The following FSTL4 variants were observed in gnomAD, a reference collection of about 807,000 sequenced individuals.
FSTL4 encodes follistatin like 4, also known as follistatin-related protein 4.
FSTL4 carries 28 observed loss-of-function variants against 78.2 expected under a neutral mutation model. That is an observed-to-expected ratio of 0.36 (90% CI 0.27 to 0.49). FSTL4 has a LOEUF of 0.49. FSTL4 is among the 20% of genes least tolerant of loss of function. FSTL4 has a pLI of 0.98. For synonymous variants in FSTL4, 422 were observed against 440.5 expected, an observed-to-expected ratio of 0.96 and a Z score of 0.53; for missense variants, 922 against 1,084.9, an observed-to-expected ratio of 0.85 and a Z score of 2.11.
At chr5:133,715,548 T>C in the FSTL4 span, among the ~76,000 whole-genome samples, 1 of 152,212 alleles carries the variant, frequency 6.6e-6, no homozygotes, top group African/African-American at 2.4e-5. Context: ...CTTTTGTTCA[T>C]TATGCTTCAG....
In FSTL4 at chr5:133,485,921, G is replaced by A. The variant is rs144073724; in HGVS notation, c.160+81265C>T. Among the ~76,000 whole-genome samples the A allele has an allele frequency of 9.3e-4, 141 of 152,320 alleles. No individual in the cohort carries two copies. In the East Asian group the frequency reaches 0.02, roughly 21 times the overall value. ...TTCCAGAAAACAAACTCTCCTTCAA[G>A]TGGCAAATCCCAATTTTCTCCAGTT... On this transcript the variant is annotated intron_variant, in intron 3 of 15. Transcript: ENST00000265342.
intron 3 of FSTL4, among the ~76,000 whole-genome samples, chr5:133,427,361 G>A (rs1282533158): frequency 6.6e-6 from 1 of 152,208 alleles, no homozygotes; most frequent in East Asian, 1.9e-4. Flanking sequence ...AGGGGCCTGA[G>A]AGGATGTAGC....
At chr5:133,603,721 C>T (rs72789144) in intron 2 of FSTL4, 137 bp downstream of exon 2, 198,039 of 993,742 alleles carry the variant, frequency 0.2, 21,602 homozygotes, top group East Asian at 0.27. Context: ...TTCTTCTGTC[C>T]CCACCAAAAA....
the FSTL4 span, among the ~76,000 whole-genome samples, chr5:133,730,621 C>T: frequency 4.4e-3 from 676 of 152,294 alleles, 6 homozygotes; most frequent in African/African-American, 0.015. Context: ...AGCTGCTAGA[C>T]GCTTTCTGGA....
At chr5:133,494,201 A>G (rs1169235218) in intron 3 of FSTL4, among the ~76,000 whole-genome samples, 1 of 152,148 alleles carries the variant, frequency 6.6e-6, no homozygotes, top group Non-Finnish European at 1.5e-5. Flanking sequence ...CATGTAAACC[A>G]CAGCAGAAAG....
At chr5:133,623,278 T>C in the FSTL4 span, among the ~76,000 whole-genome samples, 1 of 152,150 alleles carries the variant, frequency 6.6e-6, no homozygotes, top group African/African-American at 2.4e-5. Context: ...CTGCAGAAAT[T>C]AAAGTATGGT....
At chr5:133,704,436 A>T in the FSTL4 span, among the ~76,000 whole-genome samples, 2 of 152,196 alleles carry the variant, frequency 1.3e-5, no homozygotes, top group African/African-American at 4.8e-5. Context: ...CAGTGACCCA[A>T]GGGTTCAGGC....
intron 3 of FSTL4, among the ~76,000 whole-genome samples, chr5:133,414,838 C>T (rs1000317311): frequency 3.9e-5 from 6 of 152,208 alleles, no homozygotes; most frequent in Admixed American, 3.3e-4. Flanking sequence ...TATTGCCAGA[C>T]AGCCTATTTT....
At chr5:133,397,958 G>A (rs1393720168) in intron 4 of FSTL4, among the ~76,000 whole-genome samples, 1 of 152,140 alleles carries the variant, frequency 6.6e-6, no homozygotes, top group Non-Finnish European at 1.5e-5. Context: ...ACTGTCATTC[G>A]TGGACCTCAA....
the FSTL4 span, among the ~76,000 whole-genome samples, chr5:133,656,798 G>A: frequency 2.0e-5 from 3 of 152,150 alleles, no homozygotes; most frequent in Admixed American, 1.3e-4. Context: ...AGATCACTTT[G>A]GTTGTTGGAT....
intron 3 of FSTL4, among the ~76,000 whole-genome samples, chr5:133,410,435 A>G (rs1756456389): frequency 6.6e-6 from 1 of 152,106 alleles, no homozygotes; most frequent in Non-Finnish European, 1.5e-5. Context: ...ATGCGCCACT[A>G]CGTGGGTTCC....
At chr5:133,337,734 C>T (rs1754496252) in intron 4 of FSTL4, among the ~76,000 whole-genome samples, 1 of 152,182 alleles carries the variant, frequency 6.6e-6, no homozygotes. Context: ...AGAGTCGATG[C>T]TGCACACCAC....
chr5:133,566,853 G>A (rs775632289), intron 3 of FSTL4, among the ~76,000 whole-genome samples: 7 of 152,088 alleles, frequency 4.6e-5, no homozygotes, highest in Non-Finnish European at 8.8e-5. Context: ...TGTTGTTCAC[G>A]TTGCTTTGCT....
At chr5:133,756,480 G>T in the FSTL4 span, among the ~76,000 whole-genome samples, 1 of 151,988 alleles carries the variant, frequency 6.6e-6, no homozygotes, top group Non-Finnish European at 1.5e-5. Context: ...GGATCATAGG[G>T]TAATAAGTGC....
At chr5:133,320,352 T>G (rs186924031) in intron 4 of FSTL4, among the ~76,000 whole-genome samples, 2 of 152,056 alleles carry the variant, frequency 1.3e-5, no homozygotes, top group African/African-American at 4.8e-5. Context: ...TGGGGTCAGA[T>G]AGGAGTGACT....
intron 4 of FSTL4, among the ~76,000 whole-genome samples, chr5:133,367,030 G>GGGGTGGGGGGGACCT (rs1755195180): frequency 6.6e-6 from 1 of 152,138 alleles, no homozygotes; most frequent in Non-Finnish European, 1.5e-5. Context: ...AGCCATTCAG[G>GGGGTGGGGGGGACCT]GTCCTCCCCT....
intron 6 of FSTL4, among the ~76,000 whole-genome samples, chr5:133,265,290 G>C (rs987557480): frequency 1.3e-5 from 2 of 152,212 alleles, no homozygotes; most frequent in African/African-American, 4.8e-5. Context: ...CTCTCCAAAT[G>C]TCCTGGGCCT....
the FSTL4 span, among the ~76,000 whole-genome samples, chr5:133,744,317 A>T: frequency 6.6e-6 from 1 of 152,120 alleles, no homozygotes; most frequent in Non-Finnish European, 1.5e-5. Context: ...TTCCTCTAAG[A>T]CCCCAGTCAG....
At chr5:133,604,744 T>C (rs1025703002) in intron 1 of FSTL4, among the ~76,000 whole-genome samples, 2 of 152,086 alleles carry the variant, frequency 1.3e-5, no homozygotes, top group East Asian at 3.8e-4. Flanking sequence ...TTATGTTACA[T>C]CTCTGGCACC....
Sources: gnomAD v4.1 joint callset for allele counts (sites outside exome capture counted in the v4.1 genomes callset) on GRCh38, gnomAD v4.1.1 for gene constraint, MANE v1.5 for transcripts, NCBI Gene and HGNC (gene_info 2026-07-23, HGNC 2026-07-21) for gene names.